The following ZNF175 variants were observed in gnomAD, a reference collection of about 807,000 sequenced individuals.
ZNF175 encodes zinc finger protein 175, also known as zinc finger protein OTK18.
In ZNF175, 8 loss-of-function variants were observed where a neutral mutation model predicts 14.0. The observed-to-expected ratio is 0.57, with a 90% CI of 0.34 to 1.03. The LOEUF is 1.03. Ranked by LOEUF, ZNF175 falls within the 50% of genes least tolerant of loss-of-function variation. The pLI, the probability that ZNF175 is intolerant of heterozygous loss-of-function variation, is 0.03. For missense variants in ZNF175, 764 were observed against 849.5 expected (o/e 0.90, Z 1.25); for synonymous variants, 255 against 296.8 (o/e 0.86, Z 1.45).
intron 2 of ZNF175, among the ~76,000 whole-genome samples, chr19:51,577,877 A>C (rs182060412): frequency 0.014 from 2,170 of 151,122 alleles, 40 homozygotes; most frequent in African/African-American, 0.049. Context: ...GTTAGCCAGG[A>C]TGGTCTCAAT....
In ZNF175 at chr19:51,591,606, C is replaced by G. The variant is rs925860277; in HGVS notation, c.*3139C>G. ...CAGCCATTGTAGGAAATAATCTAAC[C>G]TCATAAACCCCATTTTAGAGATGAG... On this transcript the variant is annotated 3_prime_UTR_variant, in exon 5 of 5. Transcript: ENST00000262259. 1.3e-5 allele frequency: 2 copies of G among 152,114 alleles called. No individual in the cohort carries two copies. The highest frequency in any genetic ancestry group is 2.9e-5 in the Non-Finnish European group (2 of 68,028). The allele number at this position is 152,114 out of a possible 1,614,324, so 9.4% of individuals were successfully genotyped here.
In ZNF175 at chr19:51,575,228, T is replaced by G. The variant is rs548540773; in HGVS notation, c.72+1827T>G. Among the ~76,000 whole-genome samples the G allele has an allele frequency of 5.2e-3, 746 of 144,584 alleles. 4 individuals are homozygous for G. The highest frequency in any genetic ancestry group is 0.014 in the Middle Eastern group (4 of 290). The allele number at this position is 144,584 out of a possible 152,430, so 94.9% of individuals were successfully genotyped here. A position where few individuals can be genotyped will look rare whatever the true frequency, so the allele number is the denominator to read the frequency against. ...AGAGAGGTTTTTTTTTTTTTTTTTT[T>G]TTTTTTGAGACGGAGTCTCGCTCTG... On this transcript the variant is annotated intron_variant, in intron 2 of 4. Coordinates refer to ENST00000262259, the MANE Select transcript of ZNF175 (RefSeq NM_007147.4).
rs559891556 is a variant in ZNF175 at position 51,577,808 on chromosome 19, C to T, written c.73-3583C>T. On this transcript the variant is annotated intron_variant, in intron 2 of 4. Coordinates refer to ENST00000262259, the MANE Select transcript of ZNF175 (RefSeq NM_007147.4). ...CCTCCCGAGTAGCTGGGACTAAAGG[C>T]GCCCGCCACCACACCAAGCTAATTT... Among the ~76,000 whole-genome samples the T allele has an allele frequency of 5.7e-3, 858 of 151,802 alleles. 6 individuals carry two copies. The highest frequency in any genetic ancestry group is 0.028 in the South Asian group (135 of 4,794).
At chr19:51,584,317 G>C (rs1203487813) in intron 4 of ZNF175, among the ~76,000 whole-genome samples, 3 of 152,190 alleles carry the variant, frequency 2.0e-5, no homozygotes, top group African/African-American at 7.2e-5. Context: ...TTGAAACAAA[G>C]AAGCAGATGA....
At position 51,587,616 on chromosome 19, in the gene ZNF175, A is replaced by T. The variant is rs1353170505; in HGVS notation, c.1285A>T (p.Thr429Ser). 6.2e-7 allele frequency: 1 copy of T among 1,614,090 alleles called. No individual in the cohort carries two copies. The highest frequency in any genetic ancestry group is 1.3e-5 in the African/African-American group (1 of 74,938). ...ATGCAGTGAATGTGGGAAAGCCTTT[A>T]CCCAGAAGTCAACACTCAGCTTGCA... ...YACSECGKAFTQKSTLSLHQR... is the reference protein window; with the variant it reads ...YACSECGKAFSQKSTLSLHQR... Residue 429 changes from threonine (T) to serine (S), a missense_variant, in exon 5 of 5, where the codon ACC becomes TCC. Physicochemically the swap from Thr to Ser is moderately conservative, Grantham distance 58. Coordinates refer to ENST00000262259, the MANE Select transcript of ZNF175 (RefSeq NM_007147.4).
rs368398989 is a variant in ZNF175 at position 51,573,414 on chromosome 19, A to G, written c.72+13A>G. ...TGGATCTTGCGAGGTAAACAGGGGC[A>G]GCCCTGGGGATAGTTCTCCAGAACG... On this transcript the variant is annotated intron_variant, in intron 2 of 4. Coordinates refer to ENST00000262259, the MANE Select transcript of ZNF175 (RefSeq NM_007147.4). The G allele has an allele frequency of 6.2e-6, 10 of 1,612,702 alleles. No individual in the cohort carries two copies. Among genetic ancestry groups the G allele is most frequent in the Non-Finnish European group, 8.5e-6 (10 of 1,179,476 alleles).
chr19:51,579,201 C>G (rs544499515), intron 2 of ZNF175, among the ~76,000 whole-genome samples: 2 of 144,904 alleles, frequency 1.4e-5, no homozygotes, highest in African/African-American at 5.1e-5. Flanking sequence ...TGCAGTGAGC[C>G]AAGAGCATGC....
intron 1 of ZNF175, 67 bp from the exon 2 acceptor site, chr19:51,573,083 G>C: frequency 4.1e-6 from 2 of 492,316 alleles, no homozygotes; most frequent in South Asian, 2.9e-5. Context: ...CTTCACCTCA[G>C]TGCCCTCAGG....
At chr19:51,576,784 G>A (rs918801094) in intron 2 of ZNF175, among the ~76,000 whole-genome samples, 3 of 24,922 alleles carry the variant, frequency 1.2e-4, no homozygotes, top group African/African-American at 3.5e-4. Flanking sequence ...CTTGTGTCTT[G>A]AATCCTTTCT....
At chr19:51,582,010 A>G (rs1432746744) in intron 4 of ZNF175, 128 bp downstream of exon 4, 2 of 808,086 alleles carry the variant, frequency 2.5e-6, no homozygotes, top group African/African-American at 1.7e-5. Context: ...CCAGTTTCCC[A>G]TCAAACACTG....
chr19:51,574,410 G>C (rs1660141276), intron 2 of ZNF175, among the ~76,000 whole-genome samples: 1 of 152,100 alleles, frequency 6.6e-6, no homozygotes, highest in Non-Finnish European at 1.5e-5. Context: ...AGTTTAGGTG[G>C]GGCACAGTGG....
rs1982260371 is a variant in ZNF175 at position 51,588,708 on chromosome 19, TA to T, written c.*244del. The T allele has an allele frequency of 2.2e-6, 1 of 447,896 alleles. No individual in the cohort carries two copies. The highest frequency in any genetic ancestry group is 2.0e-5 in the African/African-American group (1 of 49,112). 27.7% of individuals were successfully genotyped at this position (447,896 alleles called of 1,614,324 possible). A position where few individuals can be genotyped will look rare whatever the true frequency, so the allele number is the denominator to read the frequency against. ...TGAGTACTGGCCTCATTAAGGATTA[TA>T]AATTTTCTCCCCGGGAAGAAACCCT... On this transcript the variant is annotated 3_prime_UTR_variant, in exon 5 of 5. Coordinates refer to ENST00000262259, the MANE Select transcript of ZNF175 (RefSeq NM_007147.4).
rs890048714 is a variant in ZNF175 at position 51,588,788 on chromosome 19, T to C, written c.*321T>C. 1.5e-5 allele frequency: 6 copies of C among 405,316 alleles called. No homozygotes were observed. The highest frequency in any genetic ancestry group is 2.6e-5 in the Non-Finnish European group (6 of 230,026). The allele number at this position is 405,316 out of a possible 1,614,324, so 25.1% of individuals were successfully genotyped here. A position where few individuals can be genotyped will look rare whatever the true frequency, so the allele number is the denominator to read the frequency against. On this transcript the variant is annotated 3_prime_UTR_variant, in exon 5 of 5. Coordinates refer to ENST00000262259, the MANE Select transcript of ZNF175 (RefSeq NM_007147.4). ...TAAAGAATGGTACAAGACAGGTTGT[T>C]ACTCGATTATTTATAGTAAAATATG...
chr19:51,581,335 A>G (rs1401248368), intron 2 of ZNF175, 56 bp from the exon 3 acceptor site: 1 of 1,613,760 alleles, frequency 6.2e-7, no homozygotes, highest in African/African-American at 1.3e-5. Context: ...TATATGTGCC[A>G]TCCCCACTCG....
intron 1 of ZNF175, among the ~76,000 whole-genome samples, chr19:51,572,377 G>A (rs1239627186): frequency 6.6e-6 from 1 of 152,206 alleles, no homozygotes; most frequent in East Asian, 1.9e-4. Context: ...ATGGTAACTG[G>A]AGGCCCTGAT....
chr19:51,581,342 C>T, intron 2 of ZNF175, 49 bp from the exon 3 acceptor site: 3 of 1,614,032 alleles, frequency 1.9e-6, no homozygotes, highest in Non-Finnish European at 2.5e-6. Context: ...GCCATCCCCA[C>T]TCGCCAATGA....
chr19:51,586,601 A>G (rs752287171), intron 4 of ZNF175, 26 bp from the exon 5 acceptor site: 3 of 1,556,094 alleles, frequency 1.9e-6, no homozygotes, highest in African/African-American at 1.4e-5. Flanking sequence ...CATTGTGTCT[A>G]TTTCATCTTC....
At chr19:51,583,082 C>T (rs1363711909) in intron 4 of ZNF175, among the ~76,000 whole-genome samples, 2 of 152,174 alleles carry the variant, frequency 1.3e-5, no homozygotes, top group African/African-American at 2.4e-5. Flanking sequence ...CTCGAACTCC[C>T]GACCTCAGGT....
At chr19:51,576,253 C>G (rs7251300) in intron 2 of ZNF175, among the ~76,000 whole-genome samples, 91,210 of 151,186 alleles carry the variant, frequency 0.6, 27,957 homozygotes, top group East Asian at 0.84. Context: ...GGGTTCAAGC[C>G]ATTCTCCTGC....
Sources: allele counts gnomAD v4.1 joint callset (sites outside exome capture counted in the v4.1 genomes callset), GRCh38; gene constraint gnomAD v4.1.1; transcripts MANE v1.5; gene names NCBI Gene and HGNC (gene_info 2026-07-23, HGNC 2026-07-21).